CFAP299: variants seen among roughly 807,000 people sequenced by gnomAD.
CFAP299 encodes cilia and flagella associated protein 299.
CFAP299 carries 21 observed loss-of-function variants against 27.0 expected under a neutral mutation model. The observed-to-expected ratio is 0.78, with a 90% CI of 0.55 to 1.12. The LOEUF (loss-of-function observed/expected upper bound fraction) is 1.12, where lower values mean the gene tolerates loss of function less well. Ranked by LOEUF, CFAP299 falls within the 50% of genes most tolerant of loss-of-function variation. The probability of loss-of-function intolerance (pLI) is 0.00; values close to 1 mark genes in which losing one functional copy is unlikely to be tolerated. For synonymous variants in CFAP299, 104 were observed against 98.1 expected, an observed-to-expected ratio of 1.06 and a Z score of -0.36; for missense variants, 310 against 276.6, an observed-to-expected ratio of 1.12 and a Z score of -0.86.
intron 4 of CFAP299, among the ~76,000 whole-genome samples, chr4:80,907,551 A>G (rs1442009726): frequency 6.6e-6 from 1 of 152,212 alleles, no homozygotes; most frequent in African/African-American, 2.4e-5. Context: ...AGGAGGCCTC[A>G]GGAAACTTAC....
intron 4 of CFAP299, among the ~76,000 whole-genome samples, chr4:80,895,913 G>A (rs1039747776): frequency 5.9e-5 from 9 of 151,966 alleles, no homozygotes; most frequent in African/African-American, 1.2e-4. Flanking sequence ...GTTTTTTCCC[G>A]CCAACTCAGT....
At chr4:80,483,129 G>C (rs1449810849) in intron 2 of CFAP299, among the ~76,000 whole-genome samples, 1 of 152,204 alleles carries the variant, frequency 6.6e-6, no homozygotes, top group African/African-American at 2.4e-5. Context: ...GGTGGAGGAG[G>C]GGGGCAGAAA....
At chr4:80,550,865 A>G (rs1194951885) in intron 2 of CFAP299, among the ~76,000 whole-genome samples, 1 of 152,080 alleles carries the variant, frequency 6.6e-6, no homozygotes, top group Non-Finnish European at 1.5e-5. Context: ...TATATACCAA[A>G]CTATGCTATA....
At chr4:80,560,917 T>C (rs1241784668) in intron 2 of CFAP299, among the ~76,000 whole-genome samples, 1 of 152,132 alleles carries the variant, frequency 6.6e-6, no homozygotes, top group East Asian at 1.9e-4. Context: ...GACACAGACC[T>C]GTCTGGCTTT....
intron 4 of CFAP299, among the ~76,000 whole-genome samples, chr4:80,926,162 C>T (rs1234212089): frequency 1.3e-5 from 2 of 151,914 alleles, no homozygotes; most frequent in Non-Finnish European, 2.9e-5. Flanking sequence ...ACTAGCAGAG[C>T]CTGAAATGGC....
At chr4:80,950,948 A>G (rs1737745191) in intron 5 of CFAP299, among the ~76,000 whole-genome samples, 1 of 152,212 alleles carries the variant, frequency 6.6e-6, no homozygotes, top group South Asian at 2.1e-4. Context: ...ATAGACCTCA[A>G]GGAGATTCAG....
At chr4:80,655,156 A>G (rs1740492866) in intron 3 of CFAP299, among the ~76,000 whole-genome samples, 1 of 152,182 alleles carries the variant, frequency 6.6e-6, no homozygotes, top group Non-Finnish European at 1.5e-5. Flanking sequence ...AATGACAGAC[A>G]GTCAAAACTT....
intron 3 of CFAP299, among the ~76,000 whole-genome samples, chr4:80,802,191 T>C (rs371309249): frequency 3.1e-4 from 47 of 152,188 alleles, no homozygotes; most frequent in African/African-American, 1.0e-3. Flanking sequence ...GAAAGACTAT[T>C]TGCAGGGATT....
At chr4:80,942,623 A>G (rs556872740) in intron 4 of CFAP299, among the ~76,000 whole-genome samples, 1 of 152,256 alleles carries the variant, frequency 6.6e-6, no homozygotes, top group South Asian at 2.1e-4. Context: ...TACTTTTTTT[A>G]TGTAGAAAAC....
At chr4:80,610,367 C>T (rs1452954420) in intron 3 of CFAP299, among the ~76,000 whole-genome samples, 1 of 152,016 alleles carries the variant, frequency 6.6e-6, no homozygotes, top group African/African-American at 2.4e-5. Flanking sequence ...AAAATATTCA[C>T]ATTTAAGAAA....
intron 2 of CFAP299, among the ~76,000 whole-genome samples, chr4:80,426,648 T>TA (rs1727544786): frequency 6.6e-6 from 1 of 152,214 alleles, no homozygotes; most frequent in South Asian, 2.1e-4. Flanking sequence ...GGACTCTATA[T>TA]GTTTAGCAAG....
At chr4:80,953,378 T>G (rs931493889) in intron 5 of CFAP299, among the ~76,000 whole-genome samples, 2 of 152,178 alleles carry the variant, frequency 1.3e-5, no homozygotes, top group Non-Finnish European at 2.9e-5. Flanking sequence ...ATTATAGCCC[T>G]AAAACACCCA....
At chr4:80,747,808 G>T (rs1724706338) in intron 3 of CFAP299, among the ~76,000 whole-genome samples, 1 of 151,888 alleles carries the variant, frequency 6.6e-6, no homozygotes, top group Non-Finnish European at 1.5e-5. Context: ...TTTTCTCACT[G>T]TTACTTCCTC....
At chr4:80,779,920 A>G (rs1468869777) in intron 3 of CFAP299, among the ~76,000 whole-genome samples, 1 of 152,104 alleles carries the variant, frequency 6.6e-6, no homozygotes, top group Non-Finnish European at 1.5e-5. Context: ...CCGGAATCTC[A>G]TTGACTCAAA....
chr4:80,555,563 G>T (rs997032088), intron 2 of CFAP299, among the ~76,000 whole-genome samples: 1 of 152,106 alleles, frequency 6.6e-6, no homozygotes, highest in Non-Finnish European at 1.5e-5. Context: ...AATAGTTTCA[G>T]TAGGGATAAT....
At chr4:80,847,371 G>A (rs762194940) in intron 3 of CFAP299, among the ~76,000 whole-genome samples, 38 of 152,078 alleles carry the variant, frequency 2.5e-4, no homozygotes, top group Non-Finnish European at 4.0e-4. Context: ...CAATTCTGTC[G>A]GATACCCACA....
At chr4:80,729,592 CTTTTTTTTTTTTT>C (rs34745276) in intron 3 of CFAP299, among the ~76,000 whole-genome samples, 2 of 64,318 alleles carry the variant, frequency 3.1e-5, no homozygotes, top group African/African-American at 1.2e-4. Flanking sequence ...GCTTCAGCAT[CTTTTTTTTTTTTT>C]TTTTTTTTTT....
chr4:80,568,885 A>G (rs944276810), intron 2 of CFAP299, among the ~76,000 whole-genome samples: 1 of 152,122 alleles, frequency 6.6e-6, no homozygotes, highest in East Asian at 1.9e-4. Context: ...TGGCAAATCA[A>G]AAGATAAGTT....
intron 3 of CFAP299, among the ~76,000 whole-genome samples, chr4:80,755,972 T>A (rs2110074399): frequency 6.6e-6 from 1 of 152,200 alleles, no homozygotes; most frequent in East Asian, 1.9e-4. Flanking sequence ...AGTTACCCAG[T>A]TCTTTGGACA....
Sources: allele counts gnomAD v4.1 joint callset (sites outside exome capture counted in the v4.1 genomes callset), GRCh38; gene constraint gnomAD v4.1.1; transcripts MANE v1.5; gene names NCBI Gene and HGNC (gene_info 2026-07-23, HGNC 2026-07-21).